Variants in ABLIM2 observed in about 807,000 individuals in gnomAD.
ABLIM2 encodes the protein actin binding LIM protein family member 2, also known as actin-binding LIM protein 2.
In ABLIM2, 53 loss-of-function variants were observed where a neutral mutation model predicts 97.7. The ratio of observed to expected loss-of-function variants is 0.54; its 90% CI spans 0.44 to 0.68. The LOEUF is 0.68. ABLIM2 is among the 30% of genes least tolerant of loss of function. The pLI is 0.00. For missense variants in ABLIM2, 835 were observed against 867.2 expected, an observed-to-expected ratio of 0.96 and a Z score of 0.47; for synonymous variants, 361 against 345.8, an observed-to-expected ratio of 1.04 and a Z score of -0.49.
In ABLIM2 at chr4:8,001,786, G is replaced by A. The variant is rs1042828382; in HGVS notation, c.1618+6273C>T. Among the ~76,000 whole-genome samples the A allele has an allele frequency of 6.6e-6, 1 of 152,088 alleles. No homozygotes were observed. The highest frequency in any genetic ancestry group is 1.5e-5 in the Non-Finnish European group (1 of 68,008). The stretch of plus-strand genomic sequence containing the variant: ...TTCTGCAGGATCAGCCCTGCTGGCT[G>A]CCCCCTTCCCCACTTCCCTGGCCCA... On this transcript the variant is annotated intron_variant, in intron 16 of 20. Transcript: ENST00000447017. The surrounding 1 kb of genome is among the most constrained non-coding windows in gnomAD (Gnocchi z 4.2).
chr4:8,002,780 C>T lies in ABLIM2; in HGVS notation c.1618+5279G>A, dbSNP rs1053294619. On this transcript the variant is annotated intron_variant, in intron 16 of 20. Coordinates refer to ENST00000447017, the MANE Select transcript of ABLIM2 (RefSeq NM_001130083.2). The surrounding 1 kb of genome is among the most constrained non-coding windows in gnomAD (Gnocchi z 6.1). The stretch of plus-strand genomic sequence containing the variant: ...GCTCTGTGACCTGACGCATGGCCCT[C>T]ACTGTTCTTCCAACCCACGGCCCGG... Among the ~76,000 whole-genome samples the T allele has an allele frequency of 1.3e-5, 2 of 152,216 alleles. No individual in the cohort carries two copies. The highest frequency in any genetic ancestry group is 2.9e-5 in the Non-Finnish European group (2 of 68,038).
chr4:8,004,878 C>T lies in ABLIM2; in HGVS notation c.1618+3181G>A, dbSNP rs1216853650. Among the ~76,000 whole-genome samples, 4 of 152,210 alleles carry T rather than the reference C, an allele frequency of 2.6e-5. No homozygotes were observed. In the East Asian group the frequency reaches 7.7e-4, roughly 29 times the overall value. On this transcript the variant is annotated intron_variant, in intron 16 of 20. Coordinates refer to ENST00000447017, the MANE Select transcript of ABLIM2 (RefSeq NM_001130083.2). The surrounding 1 kb of genome is among the most constrained non-coding windows in gnomAD (Gnocchi z 5.9). ...AAAATATAGATTTCACTATGACGCCCTCTTTGGAGGGGTGGCAATGCCTGC... is the reference window on the plus strand; with the variant it reads ...AAAATATAGATTTCACTATGACGCCTTCTTTGGAGGGGTGGCAATGCCTGC...
At position 8,015,201 on chromosome 4, in the gene ABLIM2, G is replaced by A. The variant is rs1008820147; in HGVS notation, c.1423+4417C>T. ...CTCCCAAAGTGCTGGGATTACAGGT[G>A]TGAGCCACCGTGCCCGGCTTGTCTT... On this transcript the variant is annotated intron_variant, in intron 14 of 20. Transcript: ENST00000447017. The surrounding 1 kb of genome is among the most constrained non-coding windows in gnomAD (Gnocchi z 4.6). 6.6e-6 allele frequency among the ~76,000 whole-genome samples: 1 copy of A among 152,152 alleles called. No individual in the cohort carries two copies. Among genetic ancestry groups the A allele is most frequent in the Admixed American group, 6.5e-5 (1 of 15,280 alleles).
intron 1 of ABLIM2, among the ~76,000 whole-genome samples, chr4:8,107,317 C>A (rs1837955980): frequency 6.6e-6 from 1 of 152,274 alleles, no homozygotes; most frequent in African/African-American, 2.4e-5. Flanking sequence ...TCATCCCCAT[C>A]TTCCCAAAGC....
intron 6 of ABLIM2, among the ~76,000 whole-genome samples, chr4:8,064,383 C>A (rs1490441809): frequency 1.3e-5 from 2 of 152,150 alleles, no homozygotes; most frequent in East Asian, 3.9e-4. Context: ...GATTAACAGG[C>A]CATCATGGGA....
Position 7,998,718 on chromosome 4 carries a change from C to T in ABLIM2, c.1619-5791G>A, listed in dbSNP as rs756093581. On this transcript the variant is annotated intron_variant, in intron 16 of 20. Coordinates refer to ENST00000447017, the MANE Select transcript of ABLIM2 (RefSeq NM_001130083.2). This position sits in a 1 kb window ranked among gnomAD's most constrained non-coding sequence, Gnocchi z 6.4. Reference sequence around the variant, plus strand: ...AGGTCTGGGCCACCTCCTGCCACTGCATGGGAGGCTGGGAGTCTGCTGGCC... The same window carrying T: ...AGGTCTGGGCCACCTCCTGCCACTGTATGGGAGGCTGGGAGTCTGCTGGCC... The T allele has an allele frequency of 2.0e-6, 1 of 491,850 alleles. No homozygotes were observed. The highest frequency in any genetic ancestry group is 4.1e-6 in the Non-Finnish European group (1 of 246,816). 30.5% of individuals were successfully genotyped at this position (491,850 alleles called of 1,614,324 possible). A position where few individuals can be genotyped will look rare whatever the true frequency, so the allele number is the denominator to read the frequency against.
In ABLIM2 at chr4:8,097,322, G is replaced by T. The variant is rs1240204438; in HGVS notation, c.155-40C>A. 6 of 1,546,678 alleles carry T rather than the reference G, an allele frequency of 3.9e-6. No individual in the cohort carries two copies. The African/African-American group carries it at 6.9e-5, about 18-fold the overall frequency. ...GCGAGGTGGCGTTAGCGGCAGAGGG[G>T]ACCATCTCCACGTCCCCCAGGCCCG... is the stretch of plus-strand genomic sequence containing the variant. On this transcript the variant is annotated intron_variant, in intron 2 of 20. Transcript: ENST00000447017.
At chr4:7,977,632 A>C (rs1347350574) in intron 20 of ABLIM2, among the ~76,000 whole-genome samples, 1 of 151,980 alleles carries the variant, frequency 6.6e-6, no homozygotes, top group African/African-American at 2.4e-5. Context: ...TCTATTAAAA[A>C]CACAAAAAAT....
At chr4:8,119,933 A>C (rs1029583761) in intron 1 of ABLIM2, among the ~76,000 whole-genome samples, 61 of 152,102 alleles carry the variant, frequency 4.0e-4, no homozygotes, top group African/African-American at 1.4e-3. Context: ...GTGCGTGCTC[A>C]AGTCCTGCGG....
chr4:7,973,162 A>T (rs1221973173), intron 20 of ABLIM2, among the ~76,000 whole-genome samples: 2 of 149,846 alleles, frequency 1.3e-5, no homozygotes, highest in Non-Finnish European at 3.0e-5. Context: ...AATAAAGTGC[A>T]TGTGCAAAGG....
At chr4:7,976,814 CACAT>C (rs1279489418) in intron 20 of ABLIM2, among the ~76,000 whole-genome samples, 2 of 152,092 alleles carry the variant, frequency 1.3e-5, no homozygotes, top group Non-Finnish European at 2.9e-5. Context: ...CATGTATACA[CACAT>C]AGACGCACAT....
intron 20 of ABLIM2, among the ~76,000 whole-genome samples, chr4:7,968,900 G>A (rs540994606): frequency 2.2e-4 from 34 of 152,318 alleles, no homozygotes; most frequent in African/African-American, 7.5e-4. Context: ...CAGCACTTTG[G>A]GAGGTTGAGG....
At chr4:7,993,831 AG>A (rs1287399601) in intron 16 of ABLIM2, 3 of 454,240 alleles carry the variant, frequency 6.6e-6, no homozygotes, top group South Asian at 1.6e-5. Context: ...GGCTGTCAGG[AG>A]GGGGCAGCCT....
At chr4:8,063,951 C>T (rs1805202538) in intron 6 of ABLIM2, among the ~76,000 whole-genome samples, 1 of 152,170 alleles carries the variant, frequency 6.6e-6, no homozygotes. Flanking sequence ...CCATAAATGA[C>T]CCCCTTTCTC....
rs1579674873 is a variant in ABLIM2 at position 8,046,192 on chromosome 4, C to A, written c.823-951G>T. Among the ~76,000 whole-genome samples the A allele has an allele frequency of 6.6e-6, 1 of 152,172 alleles. No homozygotes were observed. Among genetic ancestry groups the A allele is most frequent in the African/African-American group, 2.4e-5 (1 of 41,448 alleles). ...CCCTTCCGGACCACACCCGCTGTGT[C>A]CCCTGGGCTGATGGTTTTTGTGACT... On this transcript the variant is annotated intron_variant, in intron 8 of 20. Transcript: ENST00000447017. The surrounding 1 kb of genome is among the most constrained non-coding windows in gnomAD (Gnocchi z 4.4).
chr4:7,977,258 C>G (rs1057008884), intron 20 of ABLIM2, among the ~76,000 whole-genome samples: 1 of 152,196 alleles, frequency 6.6e-6, no homozygotes, highest in African/African-American at 2.4e-5. Context: ...TTTCCAGAGG[C>G]CTCCCTAGTC....
intron 3 of ABLIM2, among the ~76,000 whole-genome samples, chr4:8,090,364 A>G (rs1465017182): frequency 6.6e-6 from 1 of 152,204 alleles, no homozygotes; most frequent in Non-Finnish European, 1.5e-5. Flanking sequence ...AGTAGGACTG[A>G]GAATGCCTGC....
rs559609274 is a variant in ABLIM2 at position 8,090,389 on chromosome 4, T to C, written c.339-2105A>G. On this transcript the variant is annotated intron_variant, in intron 3 of 20. Coordinates refer to ENST00000447017, the MANE Select transcript of ABLIM2 (RefSeq NM_001130083.2). ...AGAATGCCTGCATTCCAGGTTTGTA[T>C]TCATACATTCATTCGCCCACAGGAC... Among the ~76,000 whole-genome samples, 27 of 152,336 alleles carry C rather than the reference T, an allele frequency of 1.8e-4. No homozygotes were observed. In the South Asian group the frequency reaches 3.3e-3, roughly 19 times the overall value.
rs1185941061 is a variant in ABLIM2, at chr4:8,008,215, C to A, written c.1477-15G>T. The A allele has an allele frequency of 6.2e-7, 1 of 1,609,554 alleles. No homozygotes were observed. Among genetic ancestry groups the A allele is most frequent in the Non-Finnish European group, 8.5e-7 (1 of 1,176,244 alleles). On this transcript the variant is annotated splice_polypyrimidine_tract_variant and intron_variant, in intron 15 of 20. Transcript: ENST00000447017. ...CTGCTCTTCTGCTGAAGGTAAAAAACAAAGTCATGCAAATGTCAAGGTCAT... is the reference window on the plus strand; with the variant it reads ...CTGCTCTTCTGCTGAAGGTAAAAAAAAAAGTCATGCAAATGTCAAGGTCAT...
Sources: gnomAD v4.1 joint callset for allele counts (sites outside exome capture counted in the v4.1 genomes callset) on GRCh38, gnomAD v4.1.1 for gene constraint, Gnocchi (gnomAD v3.1) non-coding constraint, MANE v1.5 for transcripts, NCBI Gene and HGNC (gene_info 2026-07-23, HGNC 2026-07-21) for gene names.